Variants in RBFOX1 observed in about 807,000 individuals in gnomAD.
RBFOX1 encodes RNA binding protein fox-1 homolog 1.
A neutral mutation model predicts 57.7 loss-of-function variants in RBFOX1; 8 were observed. That is an observed-to-expected ratio of 0.14 (90% CI 0.08 to 0.25). The LOEUF (loss-of-function observed/expected upper bound fraction) is 0.25, where lower values mean the gene tolerates loss of function less well. RBFOX1 is among the 10% of genes least tolerant of loss of function. RBFOX1 has a pLI of 1.00. For synonymous variants in RBFOX1, 326 were observed against 222.4 expected (o/e 1.47, Z -4.15); for missense variants, 611 against 548.5 (o/e 1.11, Z -1.14).
At chr16:7,361,286 C>T (rs576761742) in intron 4 of RBFOX1, among the ~76,000 whole-genome samples, 1 of 152,332 alleles carries the variant, frequency 6.6e-6, no homozygotes, top group Admixed American at 6.5e-5. Flanking sequence ...CTGGGCCTGC[C>T]TGTAATAGCA....
intron 4 of RBFOX1, among the ~76,000 whole-genome samples, chr16:7,269,570 A>G (rs13334165): frequency 0.27 from 41,479 of 151,988 alleles, 6,063 homozygotes; most frequent in African/African-American, 0.33. Context: ...AAATGTGAAC[A>G]TTTTACCATG....
At chr16:6,396,290 A>G (rs1228188832) in intron 2 of RBFOX1, among the ~76,000 whole-genome samples, 1 of 152,100 alleles carries the variant, frequency 6.6e-6, no homozygotes, top group Non-Finnish European at 1.5e-5. Context: ...ATAAAATGAG[A>G]TGCATTTGAT....
chr16:5,824,164 G>A (rs1213236722), intron 3 of RBFOX1, among the ~76,000 whole-genome samples: 1 of 152,224 alleles, frequency 6.6e-6, no homozygotes, highest in African/African-American at 2.4e-5. Flanking sequence ...AAGAAGCCAA[G>A]GATCAGAATG....
intron 4 of RBFOX1, among the ~76,000 whole-genome samples, chr16:7,229,042 T>TTTTTTA (rs2093326537): frequency 6.6e-6 from 1 of 151,796 alleles, no homozygotes; most frequent in African/African-American, 2.4e-5. Flanking sequence ...CAGATGTATC[T>TTTTTTA]AAACTGTTTT....
intron 2 of RBFOX1, among the ~76,000 whole-genome samples, chr16:5,503,706 A>T (rs1056836024): frequency 3.3e-5 from 5 of 152,076 alleles, no homozygotes; most frequent in African/African-American, 1.2e-4. Flanking sequence ...GGCCTCCCAA[A>T]GTGCTGGTAT....
At chr16:6,002,201 T>A (rs964681502) in intron 4 of RBFOX1, among the ~76,000 whole-genome samples, 2 of 152,148 alleles carry the variant, frequency 1.3e-5, no homozygotes, top group African/African-American at 4.8e-5. Flanking sequence ...GGTCTCAAAT[T>A]CCTGGACTCA....
Position 5,371,637 on chromosome 16 carries a change from C to G in RBFOX1, c.220-95579C>G, listed in dbSNP as rs559880072. Among the ~76,000 whole-genome samples the G allele has an allele frequency of 2.0e-5, 3 of 152,308 alleles. No homozygotes were observed. The South Asian group carries it at 6.2e-4, about 32-fold the overall frequency. On this transcript the variant is annotated intron_variant, in intron 1 of 2. Transcript: ENST00000585867. ...GTGTGAGCCGGTGATGTGTACATTT[C>G]TGAGTGGTGCAGGGGCAATTCACGC...
At chr16:6,212,579 C>T (rs545822874) in intron 1 of RBFOX1, among the ~76,000 whole-genome samples, 8 of 152,074 alleles carry the variant, frequency 5.3e-5, no homozygotes, top group South Asian at 2.1e-4. Context: ...TGGTGGTGGG[C>T]GCCTGTAGTC....
At chr16:6,847,147 C>G (rs114379073) in intron 3 of RBFOX1, among the ~76,000 whole-genome samples, 4 of 152,066 alleles carry the variant, frequency 2.6e-5, no homozygotes, top group Admixed American at 2.0e-4. Flanking sequence ...TCCTGTCTTG[C>G]GGCCATTAAA....
At chr16:6,519,053 C>T (rs938206079) in intron 2 of RBFOX1, among the ~76,000 whole-genome samples, 1 of 151,876 alleles carries the variant, frequency 6.6e-6, no homozygotes, top group East Asian at 1.9e-4. Context: ...TAACTACTTT[C>T]TCCCTTCTCG....
chr16:6,000,864 G>A (rs2060587296), intron 4 of RBFOX1, among the ~76,000 whole-genome samples: 1 of 138,836 alleles, frequency 7.2e-6, no homozygotes. Context: ...CAGGTAGGTG[G>A]GTGGATGAAT....
At chr16:5,660,169 G>T (rs1294736945) in intron 3 of RBFOX1, among the ~76,000 whole-genome samples, 2 of 152,150 alleles carry the variant, frequency 1.3e-5, no homozygotes, top group East Asian at 3.9e-4. Context: ...GGGGGACCTG[G>T]AGTGTGGAGG....
chr16:6,483,789 G>T (rs1260834845), intron 2 of RBFOX1: 18 of 1,388,994 alleles, frequency 1.3e-5, no homozygotes, highest in Non-Finnish European at 1.4e-5. Context: ...GCGCAGACAC[G>T]GTGGCGGCGT....
At chr16:7,153,786 T>C (rs1164573301) in intron 4 of RBFOX1, among the ~76,000 whole-genome samples, 1 of 151,898 alleles carries the variant, frequency 6.6e-6, no homozygotes, top group Non-Finnish European at 1.5e-5. Flanking sequence ...ATTGTTCTGC[T>C]TGTTTTCAGT....
At chr16:6,616,810 G>T (rs1039813221) in intron 2 of RBFOX1, among the ~76,000 whole-genome samples, 1 of 152,180 alleles carries the variant, frequency 6.6e-6, no homozygotes, top group Non-Finnish European at 1.5e-5. Context: ...TCTGATTAAT[G>T]CTGCCATAAT....
chr16:6,854,732 C>G (rs1007477002), intron 3 of RBFOX1, among the ~76,000 whole-genome samples: 1 of 151,380 alleles, frequency 6.6e-6, no homozygotes, highest in African/African-American at 2.4e-5. Context: ...GTAGCTGGAA[C>G]TACAGGCGCC....
At chr16:5,500,522 G>T (rs7204067) in intron 2 of RBFOX1, among the ~76,000 whole-genome samples, 1 of 151,950 alleles carries the variant, frequency 6.6e-6, no homozygotes, top group Non-Finnish European at 1.5e-5. Flanking sequence ...ATGCCTGGCC[G>T]AGTATCAGGC....
intron 3 of RBFOX1, among the ~76,000 whole-genome samples, chr16:5,682,221 G>T (rs1044511038): frequency 6.6e-6 from 1 of 152,190 alleles, no homozygotes; most frequent in African/African-American, 2.4e-5. Context: ...ATTAATAAAT[G>T]CATCATGCCT....
At chr16:5,877,055 A>C (rs1480557933) in intron 4 of RBFOX1, among the ~76,000 whole-genome samples, 3 of 152,200 alleles carry the variant, frequency 2.0e-5, no homozygotes, top group African/African-American at 7.2e-5. Context: ...AAAGGGTCAG[A>C]GAAGAAGGAG....
Sources: gnomAD v4.1 joint callset for allele counts (sites outside exome capture counted in the v4.1 genomes callset) on GRCh38, gnomAD v4.1.1 for gene constraint, MANE v1.5 for transcripts, NCBI Gene and HGNC (gene_info 2026-07-23, HGNC 2026-07-21) for gene names.